The following MYO1D variants were observed in gnomAD, a reference collection of about 807,000 sequenced individuals.
MYO1D encodes unconventional myosin-Id.
In MYO1D, 83 loss-of-function variants were observed where a neutral mutation model predicts 122.0. That is an observed-to-expected ratio of 0.68 (90% confidence interval 0.57 to 0.82). MYO1D has a LOEUF of 0.82. MYO1D is among the 40% of genes least tolerant of loss of function. The pLI is 0.00. For missense variants in MYO1D, 1,157 were observed against 1,269.5 expected, an observed-to-expected ratio of 0.91 and a Z score of 1.35; for synonymous variants, 464 against 446.9, an observed-to-expected ratio of 1.04 and a Z score of -0.48.
chr17:32,625,032 C>T (rs1358126183), intron 20 of MYO1D, among the ~76,000 whole-genome samples: 4 of 152,164 alleles, frequency 2.6e-5, no homozygotes, highest in Admixed American at 2.6e-4. Context: ...CTCAAGTGAT[C>T]TGCCTGCCTT....
intron 21 of MYO1D, among the ~76,000 whole-genome samples, chr17:32,535,522 C>T (rs1310283632): frequency 7.2e-5 from 11 of 152,112 alleles, no homozygotes; most frequent in African/African-American, 1.4e-4. Flanking sequence ...CCAAGGTGGA[C>T]GGATCACAAG....
intron 12 of MYO1D, chr17:32,745,503 C>T (rs1293705572): frequency 1.2e-5 from 5 of 405,852 alleles, no homozygotes; most frequent in Non-Finnish European, 2.3e-5. Flanking sequence ...TGATAATTCC[C>T]TACTGGTTTA....
chr17:32,743,719 G>A (rs1046872531), intron 13 of MYO1D, among the ~76,000 whole-genome samples: 8 of 151,964 alleles, frequency 5.3e-5, no homozygotes, highest in Non-Finnish European at 7.4e-5. Flanking sequence ...CCAGGTTCAT[G>A]CCATTCTCCT....
intron 20 of MYO1D, among the ~76,000 whole-genome samples, chr17:32,633,907 C>G (rs1354048442): frequency 6.6e-6 from 1 of 152,142 alleles, no homozygotes; most frequent in Non-Finnish European, 1.5e-5. Context: ...TTTATTTTTT[C>G]CCTTATCACC....
At chr17:32,700,543 C>T (rs192081378) in intron 16 of MYO1D, among the ~76,000 whole-genome samples, 52 of 152,280 alleles carry the variant, frequency 3.4e-4, no homozygotes, top group South Asian at 2.1e-4. Flanking sequence ...AAAAACTGAA[C>T]GAAGTGTTCA....
At chr17:32,794,095 G>A (rs2090388400) in intron 1 of MYO1D, 1 of 152,178 alleles carries the variant, frequency 6.6e-6, no homozygotes, top group Non-Finnish European at 1.5e-5. Flanking sequence ...CACAGCGAAC[G>A]GTGATCCAGC....
intron 16 of MYO1D, among the ~76,000 whole-genome samples, chr17:32,707,931 G>A (rs2089328830): frequency 6.6e-6 from 1 of 152,174 alleles, no homozygotes; most frequent in Non-Finnish European, 1.5e-5. Context: ...AGTGCATCTG[G>A]TGCCACTCTA....
intron 1 of MYO1D, among the ~76,000 whole-genome samples, chr17:32,811,558 A>C (rs904122242): frequency 6.6e-6 from 1 of 151,298 alleles, no homozygotes; most frequent in Non-Finnish European, 1.5e-5. Flanking sequence ...AAATATTTCA[A>C]ACCTTGTAGT....
At chr17:32,793,382 A>G (rs971172419) in intron 1 of MYO1D, among the ~76,000 whole-genome samples, 1 of 150,450 alleles carries the variant, frequency 6.6e-6, no homozygotes, top group African/African-American at 2.5e-5. Context: ...TCTCTGTTCC[A>G]GAAAAGATTT....
intron 11 of MYO1D, among the ~76,000 whole-genome samples, chr17:32,751,004 G>A (rs780900400): frequency 6.6e-6 from 1 of 152,014 alleles, no homozygotes; most frequent in Non-Finnish European, 1.5e-5. Flanking sequence ...CTACACTAAT[G>A]GAACATTCTT....
At chr17:32,535,558 C>T (rs569221469) in intron 21 of MYO1D, among the ~76,000 whole-genome samples, 6 of 152,146 alleles carry the variant, frequency 3.9e-5, no homozygotes, top group East Asian at 1.9e-4. Context: ...CCAGCCTGGC[C>T]AACATGGTGA....
At chr17:32,846,917 A>G (rs908865680) in intron 1 of MYO1D, among the ~76,000 whole-genome samples, 1 of 152,056 alleles carries the variant, frequency 6.6e-6, no homozygotes, top group Admixed American at 6.6e-5. Context: ...AGCCCAGGAG[A>G]TTGAGGCTGC....
At chr17:32,542,912 C>G (rs1910882358) in intron 21 of MYO1D, among the ~76,000 whole-genome samples, 1 of 152,088 alleles carries the variant, frequency 6.6e-6, no homozygotes, top group Non-Finnish European at 1.5e-5. Flanking sequence ...CCACTCCGAC[C>G]CTGGGATTCA....
At chr17:32,560,124 ATG>A (rs2087105609) in intron 21 of MYO1D, among the ~76,000 whole-genome samples, 1 of 152,126 alleles carries the variant, frequency 6.6e-6, no homozygotes, top group Non-Finnish European at 1.5e-5. Flanking sequence ...GTGTGGTGGC[ATG>A]TGCCTGTAAT....
intron 1 of MYO1D, among the ~76,000 whole-genome samples, chr17:32,860,748 C>CACTA (rs997585743): frequency 1.3e-5 from 2 of 152,264 alleles, no homozygotes; most frequent in African/African-American, 4.8e-5. Context: ...GTAAATGTGC[C>CACTA]ACTAGACTAG....
intron 21 of MYO1D, among the ~76,000 whole-genome samples, chr17:32,512,210 G>A (rs1329546742): frequency 1.3e-5 from 2 of 151,912 alleles, no homozygotes; most frequent in African/African-American, 2.4e-5. Context: ...TGAGGCAGGC[G>A]AATCACTTGA....
intron 1 of MYO1D, chr17:32,792,706 G>A (rs2090367223): frequency 2.0e-5 from 3 of 152,218 alleles, no homozygotes; most frequent in African/African-American, 7.2e-5. Context: ...GCAGTGGTAT[G>A]ACCATAGCTC....
intron 21 of MYO1D, among the ~76,000 whole-genome samples, chr17:32,593,886 G>A (rs540161551): frequency 6.6e-6 from 1 of 152,218 alleles, no homozygotes; most frequent in East Asian, 1.9e-4. Flanking sequence ...GCAGTGAGCC[G>A]AGATGGTGCC....
intron 1 of MYO1D, among the ~76,000 whole-genome samples, chr17:32,810,770 C>G (rs1367717069): frequency 6.6e-6 from 1 of 152,218 alleles, no homozygotes; most frequent in Non-Finnish European, 1.5e-5. Flanking sequence ...AGAAATCTAA[C>G]TTTTAATATG....
Sources: gnomAD v4.1 joint callset for allele counts (sites outside exome capture counted in the v4.1 genomes callset) on GRCh38, gnomAD v4.1.1 for gene constraint, MANE v1.5 for transcripts, NCBI Gene and HGNC (gene_info 2026-07-23, HGNC 2026-07-21) for gene names.